The following OCM2 variants were observed in gnomAD, a reference collection of about 807,000 sequenced individuals.
OCM2 encodes oncomodulin-2.
Under a neutral mutation model 13.6 loss-of-function variants are expected in OCM2, and 6 were observed. The observed-to-expected ratio is 0.44, with a 90% CI of 0.24 to 0.87. The LOEUF is 0.87. Among genes scored for constraint, OCM2 ranks in the 40% least tolerant of loss-of-function variants. OCM2 has a pLI of 0.22. For missense variants in OCM2, 118 were observed against 136.8 expected, an observed-to-expected ratio of 0.86 and a Z score of 0.68; for synonymous variants, 40 against 50.7, an observed-to-expected ratio of 0.79 and a Z score of 0.90.
chr7:97,988,861 G>A (rs1242961940), intron 1 of OCM2, among the ~76,000 whole-genome samples: 2 of 151,690 alleles, frequency 1.3e-5, no homozygotes, highest in Non-Finnish European at 2.9e-5. Flanking sequence ...AACATCCCTG[G>A]TCTAATTGGT....
At position 97,989,938 on chromosome 7, in the gene OCM2, G is replaced by T. The variant is rs1427816487; in HGVS notation, c.61+106C>A. The stretch of plus-strand genomic sequence containing the variant: ...CTCCCAAAGTGCTAGGATTACAGGC[G>T]TGAGCCACTGCGTCTGGCCGCCTGG... On this transcript the variant is annotated intron_variant, in intron 1 of 3. Coordinates refer to ENST00000257627, the Ensembl canonical transcript of OCM2. 7 of 1,126,224 alleles carry T rather than the reference G, an allele frequency of 6.2e-6. No homozygotes were observed. In the South Asian group the frequency reaches 6.8e-5, roughly 11 times the overall value. 69.8% of individuals were successfully genotyped at this position (1,126,224 alleles called of 1,614,324 possible).
chr7:97,987,840 G>A (rs184836692), intron 2 of OCM2, among the ~76,000 whole-genome samples: 2 of 152,202 alleles, frequency 1.3e-5, no homozygotes, highest in East Asian at 1.9e-4. Flanking sequence ...GAGCCACCGC[G>A]CTTAGCCAAG....
At chr7:97,984,929 T>C in exon 4 of OCM2, 1 of 1,604,514 alleles carries the variant, frequency 6.2e-7, no homozygotes, top group South Asian at 1.1e-5. Context: ...GATTATCCCT[T>C]TCTCTCTTTT....
At chr7:97,989,254 T>C (rs1794705620) in intron 1 of OCM2, among the ~76,000 whole-genome samples, 1 of 151,962 alleles carries the variant, frequency 6.6e-6, no homozygotes, top group South Asian at 2.1e-4. Context: ...TGCTTTCATG[T>C]TTAGTAGGTT....
chr7:97,989,262 G>T (rs1489682326), intron 1 of OCM2, among the ~76,000 whole-genome samples: 10 of 151,752 alleles, frequency 6.6e-5, no homozygotes, highest in Non-Finnish European at 8.8e-5. Flanking sequence ...TGTTTAGTAG[G>T]TTTCTTTTGT....
chr7:97,986,087 T>C (rs1794668650), intron 3 of OCM2, among the ~76,000 whole-genome samples: 1 of 152,080 alleles, frequency 6.6e-6, no homozygotes, highest in Non-Finnish European at 1.5e-5. Context: ...TAATTTTTTA[T>C]ATTTTCAATA....
At chr7:97,988,078 C>A (rs1257713940) in intron 2 of OCM2, among the ~76,000 whole-genome samples, 4 of 152,078 alleles carry the variant, frequency 2.6e-5, no homozygotes, top group Non-Finnish European at 4.4e-5. Flanking sequence ...GTAATCCCAG[C>A]CACTTGGGAG....
intron 3 of OCM2, among the ~76,000 whole-genome samples, chr7:97,986,629 C>A (rs3957048): frequency 1.3e-5 from 2 of 152,232 alleles, no homozygotes; most frequent in Admixed American, 1.3e-4. Flanking sequence ...GATGAAGAGG[C>A]CTTCCTACGC....
At chr7:97,989,285 T>C (rs545956782) in intron 1 of OCM2, among the ~76,000 whole-genome samples, 54 of 152,084 alleles carry the variant, frequency 3.6e-4, no homozygotes, top group Non-Finnish European at 6.9e-4. Context: ...TACAGAAGTG[T>C]AATCGTGTGC....
chr7:97,987,417 C>T (rs536410692), intron 2 of OCM2, among the ~76,000 whole-genome samples: 1 of 152,206 alleles, frequency 6.6e-6, no homozygotes, highest in African/African-American at 2.4e-5. Flanking sequence ...ACCATCATGG[C>T]TCACTGCAGC....
chr7:97,989,492 T>A (rs1386039423), intron 1 of OCM2, among the ~76,000 whole-genome samples: 1 of 151,912 alleles, frequency 6.6e-6, no homozygotes, highest in Non-Finnish European at 1.5e-5. Flanking sequence ...CTCAACCTCC[T>A]GGGCTTGAGT....
chr7:97,989,377 T>TCTTATTTA lies in OCM2; in HGVS notation c.61+659_61+666dup, dbSNP rs1323039629. On this transcript the variant is annotated intron_variant, in intron 1 of 3. Coordinates refer to ENST00000257627, the Ensembl canonical transcript of OCM2. Reference sequence around the variant, plus strand: ...GATTCCATGAATTTTCCAGCCAAGCTCTTATTTACTTATTTATTTATTTAT... The same window carrying TCTTATTTA: ...GATTCCATGAATTTTCCAGCCAAGCTCTTATTTACTTATTTACTTATTTATTTATTTAT... Among the ~76,000 whole-genome samples, 79 of 115,686 alleles carry TCTTATTTA rather than the reference T, an allele frequency of 6.8e-4. No homozygotes were observed. The South Asian group carries it at 0.022, about 33-fold the overall frequency. The allele number at this position is 115,686 out of a possible 152,430, so 75.9% of individuals were successfully genotyped here.
At chr7:97,988,586 G>T (rs376079335) in intron 1 of OCM2, 38 bp from the exon 2 acceptor site, 27 of 1,612,954 alleles carry the variant, frequency 1.7e-5, no homozygotes, top group Non-Finnish European at 3.4e-6. Context: ...ACACTCATTG[G>T]ATCACATTCT....
At chr7:97,987,965 G>C (rs1257900099) in intron 2 of OCM2, among the ~76,000 whole-genome samples, 1 of 152,156 alleles carries the variant, frequency 6.6e-6, no homozygotes, top group Admixed American at 6.6e-5. Flanking sequence ...GCCAAGGCAG[G>C]AGGATCACTT....
At chr7:97,985,336 T>C (rs868159757) in intron 3 of OCM2, among the ~76,000 whole-genome samples, 11 of 150,966 alleles carry the variant, frequency 7.3e-5, no homozygotes, top group Admixed American at 2.0e-4. Context: ...GGAGAATCAC[T>C]TGAACCTGGG....
chr7:97,984,992 G>A lies in OCM2; in HGVS notation c.305-9C>T. 1 of 1,614,118 alleles carries A rather than the reference G, an allele frequency of 6.2e-7. No homozygotes were observed. The stretch of plus-strand genomic sequence containing the variant: ...CACCATTTCCTGGAATTCTAGAACA[G>A]AAGAGGTGAGAACAGGGTCAGTGGA... On this transcript the variant is annotated splice_polypyrimidine_tract_variant and intron_variant, in intron 3 of 3. Transcript: ENST00000257627.
intron 2 of OCM2, among the ~76,000 whole-genome samples, chr7:97,987,810 G>A (rs1024074339): frequency 7.9e-5 from 12 of 152,174 alleles, no homozygotes; most frequent in African/African-American, 2.7e-4. Flanking sequence ...AGTCTTCTGA[G>A]TAGCTGGAAT....
At position 97,990,097 on chromosome 7, in the gene OCM2, A is replaced by G. The variant is rs754052612; in HGVS notation, c.8T>C (p.Ile3Thr). The G allele has an allele frequency of 3.7e-6, 6 of 1,610,616 alleles. No individual in the cohort carries two copies. The South Asian group carries it at 6.6e-5, about 18-fold the overall frequency. The change falls in exon 1 of 4, where the codon ATC becomes ACC. Residue 3 changes from isoleucine to threonine, a missense_variant. Ile to Thr is a moderately conservative substitution (Grantham distance 89). Transcript: ENST00000257627. ...GTCATCAGCACTGAGCACGTCCGTGATGCTCATTTTCTACCTACTCACACA... is the reference window on the plus strand; with the variant it reads ...GTCATCAGCACTGAGCACGTCCGTGGTGCTCATTTTCTACCTACTCACACA...
chr7:97,988,838 TG>T (rs1466682548), intron 1 of OCM2, among the ~76,000 whole-genome samples: 7 of 152,016 alleles, frequency 4.6e-5, no homozygotes, highest in African/African-American at 1.4e-4. Flanking sequence ...ACAGGCTGTG[TG>T]GCCGAGCCCC....
Sources: allele counts gnomAD v4.1 joint callset (sites outside exome capture counted in the v4.1 genomes callset), GRCh38; gene constraint gnomAD v4.1.1; transcripts MANE v1.5; gene names NCBI Gene and HGNC (gene_info 2026-07-23, HGNC 2026-07-21).